Variants in PALLD observed in about 807,000 individuals in gnomAD.
PALLD encodes palladin, cytoskeletal associated protein.
A neutral mutation model predicts 123.5 loss-of-function variants in PALLD; 61 were observed. The ratio of observed to expected loss-of-function variants is 0.49; its 90% CI spans 0.40 to 0.61. PALLD has a LOEUF of 0.61. Among genes scored for constraint, PALLD ranks in the 20% least tolerant of loss-of-function variants. The probability of loss-of-function intolerance (pLI) is 0.00; values close to 1 mark genes in which losing one functional copy is unlikely to be tolerated. For missense variants in PALLD, 1,273 were observed against 1,377.0 expected (o/e 0.92, Z 1.20); for synonymous variants, 465 against 496.4 (o/e 0.94, Z 0.84).
Position 168,665,572 on chromosome 4 carries a change from C to CA in PALLD, c.909-2610dup, listed in dbSNP as rs992757321. Among the ~76,000 whole-genome samples the CA allele has an allele frequency of 2.6e-3, 392 of 151,892 alleles. 6 individuals carry two copies. The highest frequency in any genetic ancestry group is 4.4e-3 in the Non-Finnish European group (298 of 67,922). On this transcript the variant is annotated intron_variant, in intron 2 of 21. Coordinates refer to ENST00000505667, the MANE Select transcript of PALLD (RefSeq NM_001166108.2). Reference sequence around the variant, plus strand: ...AGCGAGACTCCATCTCAAAAACAAACAAAAAAAATGGTTGCTATGTGAAAC... The same window carrying CA: ...AGCGAGACTCCATCTCAAAAACAAACAAAAAAAAATGGTTGCTATGTGAAAC...
chr4:168,590,498 A>G (rs1334179081), intron 2 of PALLD, among the ~76,000 whole-genome samples: 1 of 152,246 alleles, frequency 6.6e-6, no homozygotes, highest in Non-Finnish European at 1.5e-5. Flanking sequence ...TTCACAAGGA[A>G]AATGTTGGCT....
intron 10 of PALLD, among the ~76,000 whole-genome samples, chr4:168,858,510 A>G (rs2151015461): frequency 6.6e-6 from 1 of 152,324 alleles, no homozygotes; most frequent in South Asian, 2.1e-4. Context: ...TTAACTTTCC[A>G]GAGTGCTCAC....
intron 10 of PALLD, among the ~76,000 whole-genome samples, chr4:168,796,724 A>G (rs1034186879): frequency 6.6e-6 from 1 of 152,226 alleles, no homozygotes; most frequent in Non-Finnish European, 1.5e-5. Context: ...AAAAATATTC[A>G]TATGCAGGAA....
chr4:168,593,648 T>C (rs988407922), intron 2 of PALLD, among the ~76,000 whole-genome samples: 67 of 152,128 alleles, frequency 4.4e-4, no homozygotes, highest in African/African-American at 1.6e-3. Context: ...AAAATGCAAA[T>C]ATACATCTCC....
At position 168,560,070 on chromosome 4, in the gene PALLD, T is replaced by G. The variant is rs564634510; in HGVS notation, c.908+47658T>G. On this transcript the variant is annotated intron_variant, in intron 2 of 21. Coordinates refer to ENST00000505667, the MANE Select transcript of PALLD (RefSeq NM_001166108.2). ...TTCCTAGAAGTAATTCAAGGTACCC[T>G]CAATATATGCTGTCAGGTAGAGTAT... 2.0e-5 allele frequency among the ~76,000 whole-genome samples: 3 copies of G among 152,274 alleles called. No individual in the cohort carries two copies. The South Asian group carries it at 6.2e-4, about 32-fold the overall frequency.
chr4:168,663,464 C>T (rs1157613562), intron 2 of PALLD, among the ~76,000 whole-genome samples: 1 of 152,070 alleles, frequency 6.6e-6, no homozygotes, highest in Non-Finnish European at 1.5e-5. Flanking sequence ...TGGTATCTGG[C>T]CCTGGGTTGA....
chr4:168,691,764 A>C lies in PALLD; in HGVS notation c.1501+472A>C, dbSNP rs566861564. On this transcript the variant is annotated intron_variant, in intron 8 of 21. Coordinates refer to ENST00000505667, the MANE Select transcript of PALLD (RefSeq NM_001166108.2). Reference sequence around the variant, plus strand: ...AGGTGTTTCTCATTTGTGTGCCCTGAGCCATAAACTTTTACTATTCTGCAA... The same window carrying C: ...AGGTGTTTCTCATTTGTGTGCCCTGCGCCATAAACTTTTACTATTCTGCAA... Among the ~76,000 whole-genome samples, 225 of 152,240 alleles carry C rather than the reference A, an allele frequency of 1.5e-3. 1 individual carries two copies. Among genetic ancestry groups the C allele is most frequent in the African/African-American group, 5.2e-3 (216 of 41,552 alleles).
chr4:168,608,376 A>C (rs1174988378), intron 2 of PALLD, among the ~76,000 whole-genome samples: 2 of 152,174 alleles, frequency 1.3e-5, no homozygotes, highest in Admixed American at 1.3e-4. Context: ...TTTAAATGAT[A>C]AAATTTTCAG....
intron 1 of PALLD, chr4:168,506,060 C>G (rs1313420250): frequency 1.3e-5 from 2 of 152,166 alleles, no homozygotes; most frequent in Non-Finnish European, 1.5e-5. Flanking sequence ...TGGCCTTGCC[C>G]ACTTCCCTCC....
intron 10 of PALLD, among the ~76,000 whole-genome samples, chr4:168,833,804 A>G (rs1744699366): frequency 6.6e-6 from 1 of 150,928 alleles, no homozygotes; most frequent in South Asian, 2.1e-4. Flanking sequence ...GATTTAGATA[A>G]GAGGTTTGAG....
At chr4:168,631,545 C>T (rs1336034242) in intron 2 of PALLD, 1 of 899,504 alleles carries the variant, frequency 1.1e-6, no homozygotes, top group Non-Finnish European at 1.3e-6. Flanking sequence ...AGGACACACC[C>T]TCTCCCCCTC....
At chr4:168,805,274 A>G (rs1489538560) in intron 10 of PALLD, among the ~76,000 whole-genome samples, 2 of 152,148 alleles carry the variant, frequency 1.3e-5, no homozygotes, top group East Asian at 1.9e-4. Context: ...AGCATTTCCT[A>G]AGTCTCTAGG....
chr4:168,714,405 A>G (rs80098249), intron 10 of PALLD, among the ~76,000 whole-genome samples: 1,982 of 152,310 alleles, frequency 0.013, 41 homozygotes, highest in African/African-American at 0.045. Flanking sequence ...TTTCTAAAAA[A>G]TGGTTTGTTC....
intron 18 of PALLD, among the ~76,000 whole-genome samples, chr4:168,922,102 T>TATACAC (rs1459158507): frequency 1.3e-4 from 17 of 132,602 alleles, no homozygotes; most frequent in South Asian, 2.4e-4. Flanking sequence ...TATATATATA[T>TATACAC]ACACACACAC....
intron 10 of PALLD, among the ~76,000 whole-genome samples, chr4:168,832,354 C>T (rs372453361): frequency 2.0e-5 from 3 of 151,874 alleles, no homozygotes; most frequent in Admixed American, 6.6e-5. Flanking sequence ...CTCTCCCTCC[C>T]CCGGCCCGCG....
At chr4:168,914,683 G>A (rs905821361) in intron 16 of PALLD, among the ~76,000 whole-genome samples, 7 of 152,166 alleles carry the variant, frequency 4.6e-5, no homozygotes, top group African/African-American at 1.4e-4. Flanking sequence ...CAACCATCCT[G>A]TCAACTTGGC....
Position 168,512,080 on chromosome 4 carries a change from C to A in PALLD, c.576C>A (p.Ser192Arg). Reference sequence around the variant, plus strand: ...AAGCCGCAAAGCCAAGAAACAGAAGCCCAAATGGGGAGTCCTCGTCACCAG... The same window carrying A: ...AAGCCGCAAAGCCAAGAAACAGAAGACCAAATGGGGAGTCCTCGTCACCAG... ...IFKAAKPRNRSPNGESSSPDS... is the reference protein window; with the variant it reads ...IFKAAKPRNRRPNGESSSPDS... The change falls in exon 2 of 22, where the codon AGC becomes AGA. Residue 192 changes from serine to arginine, a missense_variant. Physicochemically the swap from Ser to Arg is moderately radical, Grantham distance 110. Transcript: ENST00000505667. 6.2e-7 allele frequency: 1 copy of A among 1,614,206 alleles called. No homozygotes were observed. Among genetic ancestry groups the A allele is most frequent in the Non-Finnish European group, 8.5e-7 (1 of 1,180,042 alleles).
chr4:168,764,036 G>A (rs960235444), intron 10 of PALLD, among the ~76,000 whole-genome samples: 1 of 152,010 alleles, frequency 6.6e-6, no homozygotes, highest in African/African-American at 2.4e-5. Context: ...ATTAACCAGC[G>A]TCCTTGTGGA....
chr4:168,812,440 G>A (rs1353936919), intron 10 of PALLD, among the ~76,000 whole-genome samples: 1 of 152,170 alleles, frequency 6.6e-6, no homozygotes, highest in African/African-American at 2.4e-5. Flanking sequence ...TGTCAAATAG[G>A]GCTGATCTGC....
Sources: allele counts gnomAD v4.1 joint callset (sites outside exome capture counted in the v4.1 genomes callset), GRCh38; gene constraint gnomAD v4.1.1; transcripts MANE v1.5; gene names NCBI Gene and HGNC (gene_info 2026-07-23, HGNC 2026-07-21).